PCDHGA9: variants seen among roughly 807,000 people sequenced by gnomAD.
The protein encoded by PCDHGA9 is protocadherin gamma subfamily A, 9.
In PCDHGA9, 37 loss-of-function variants were observed where a neutral mutation model predicts 62.5. That is an observed-to-expected ratio of 0.59 (90% CI 0.46 to 0.78). The LOEUF (loss-of-function observed/expected upper bound fraction) is 0.78, where lower values mean the gene tolerates loss of function less well. Ranked by LOEUF, PCDHGA9 falls within the 30% of genes least tolerant of loss-of-function variation. PCDHGA9 has a pLI of 0.00. For synonymous variants in PCDHGA9, 459 were observed against 484.6 expected (o/e 0.95, Z 0.69); for missense variants, 1,138 against 1,166.2 (o/e 0.98, Z 0.35).
At chr5:141,492,822 C>T (rs1241767956) in intron 1 of PCDHGA9, among the ~76,000 whole-genome samples, 1 of 152,238 alleles carries the variant, frequency 6.6e-6, no homozygotes, top group Non-Finnish European at 1.5e-5. Context: ...GCACCAGCGG[C>T]CCCTTCCTCC....
At position 141,486,931 on chromosome 5, in the gene PCDHGA9, T is replaced by C. The variant is rs201042803; in HGVS notation, c.2425-7876T>C. 2 of 1,614,258 alleles carry C rather than the reference T, an allele frequency of 1.2e-6. No homozygotes were observed. Among genetic ancestry groups the C allele is most frequent in the East Asian group, 2.2e-5 (1 of 44,876 alleles). ...AAGCACTGCCTCCATCAGTTGGTGC[T>C]GGCCACCTAATCACAAAGGTGACTG... On this transcript the variant is annotated intron_variant, in intron 1 of 3. Coordinates refer to ENST00000573521, the MANE Select transcript of PCDHGA9 (RefSeq NM_018921.3). This position sits in a 1 kb window ranked among gnomAD's most constrained non-coding sequence, Gnocchi z 5.0.
intron 1 of PCDHGA9, chr5:141,423,091 G>A (rs1243671863): frequency 6.2e-7 from 1 of 1,613,908 alleles, no homozygotes; most frequent in Non-Finnish European, 8.5e-7. Flanking sequence ...CGCGGTGGGG[G>A]AGCACACGGG....
intron 1 of PCDHGA9, among the ~76,000 whole-genome samples, chr5:141,462,574 C>T (rs1308899602): frequency 2.0e-5 from 3 of 152,036 alleles, no homozygotes; most frequent in Non-Finnish European, 4.4e-5. Context: ...TTGCTAATCC[C>T]ATCCAGTGAA....
intron 2 of PCDHGA9, among the ~76,000 whole-genome samples, chr5:141,502,944 A>G (rs1447378539): frequency 1.4e-5 from 2 of 145,406 alleles, no homozygotes; most frequent in Non-Finnish European, 1.5e-5. Context: ...CCTGGGTTCA[A>G]GCGATTCTCC....
At position 141,511,199 on chromosome 5, in the gene PCDHGA9, G is replaced by C. The variant is rs1303066281; in HGVS notation, c.*26G>C. On this transcript the variant is annotated 3_prime_UTR_variant, in exon 4 of 4. Coordinates refer to ENST00000573521, the MANE Select transcript of PCDHGA9 (RefSeq NM_018921.3). The stretch of plus-strand genomic sequence containing the variant: ...CATGGAGGCCAGGCCAAGAGCCACA[G>C]GGCGGCCTCTCCCCAACCAGCCCAG... 6.2e-6 allele frequency: 10 copies of C among 1,612,868 alleles called. No individual in the cohort carries two copies. In the East Asian group the frequency reaches 2.2e-4, roughly 36 times the overall value.
chr5:141,470,680 T>C (rs1212361233), intron 1 of PCDHGA9, among the ~76,000 whole-genome samples: 1 of 152,090 alleles, frequency 6.6e-6, no homozygotes, highest in Non-Finnish European at 1.5e-5. Context: ...GCTGTTACCA[T>C]CTTGAAATTC....
chr5:141,441,162 G>A (rs1009205566), intron 1 of PCDHGA9: 48 of 152,166 alleles, frequency 3.2e-4, no homozygotes, highest in Admixed American at 1.5e-3. Flanking sequence ...TCCTAGAGGC[G>A]ATTTTTACTT....
intron 1 of PCDHGA9, among the ~76,000 whole-genome samples, chr5:141,450,005 T>A (rs1439257597): frequency 1.0e-5 from 1 of 99,604 alleles, no homozygotes; most frequent in Non-Finnish European, 1.8e-5. Context: ...TTGCCATGTC[T>A]CTTTTTTTTT....
rs369940443 is a variant in PCDHGA9, at chr5:141,477,841, C to G, written c.2425-16966C>G. 6.2e-7 allele frequency: 1 copy of G among 1,613,308 alleles called. No individual in the cohort carries two copies. The highest frequency in any genetic ancestry group is 1.3e-5 in the African/African-American group (1 of 74,700). On this transcript the variant is annotated intron_variant, in intron 1 of 3. Coordinates refer to ENST00000573521, the MANE Select transcript of PCDHGA9 (RefSeq NM_018921.3). The surrounding 1 kb of genome is among the most constrained non-coding windows in gnomAD (Gnocchi z 4.9). ...TCCTATATCCTCGGCCAGGTGGGAG[C>G]TCGGTGGAGATGCTGCCTCGAGGTA...
rs377389968 is a variant in PCDHGA9, at chr5:141,404,840, C to T, written c.1888C>T (p.Arg630Trp). The change falls in exon 1 of 4, where the codon CGG becomes TGG. Residue 630 changes from arginine (R) to tryptophan (W), a missense_variant. Arg to Trp is a moderately radical substitution (Grantham distance 101). Coordinates refer to ENST00000573521, the MANE Select transcript of PCDHGA9 (RefSeq NM_018921.3). Reference sequence around the variant, plus strand: ...GCACACAGGTGAAGTGCGCACAGCTCGGGCCCTGCTAGATAGAGATGCGCT... The same window carrying T: ...GCACACAGGTGAAGTGCGCACAGCTTGGGCCCTGCTAGATAGAGATGCGCT... ...GLHTGEVRTA[R>W]ALLDRDALKQ... is the part of the protein sequence containing the mutation. 3.5e-5 allele frequency: 57 copies of T among 1,613,700 alleles called. No individual in the cohort carries two copies. The African/African-American group carries it at 6.3e-4, about 18-fold the overall frequency.
chr5:141,410,142 G>A (rs2095361095), intron 1 of PCDHGA9: 3 of 1,612,612 alleles, frequency 1.9e-6, no homozygotes, highest in East Asian at 2.2e-5. Context: ...GTCGCTGTGC[G>A]TGACGGTGGA....
intron 1 of PCDHGA9, among the ~76,000 whole-genome samples, chr5:141,430,360 T>C (rs570966246): frequency 1.8e-4 from 27 of 151,522 alleles, no homozygotes; most frequent in Middle Eastern, 3.4e-3. Flanking sequence ...TAAAAGCTCA[T>C]TGGGGAAAAA....
chr5:141,452,172 T>G (rs1338447268), intron 1 of PCDHGA9, among the ~76,000 whole-genome samples: 1 of 152,206 alleles, frequency 6.6e-6, no homozygotes, highest in Non-Finnish European at 1.5e-5. Flanking sequence ...TTACTAACAT[T>G]TTTTATTTTG....
At chr5:141,428,204 C>T (rs756271858) in intron 1 of PCDHGA9, 23 of 1,324,604 alleles carry the variant, frequency 1.7e-5, no homozygotes, top group Admixed American at 5.5e-5. Flanking sequence ...TGCGCCGCTA[C>T]GCTTCACCTA....
intron 1 of PCDHGA9, chr5:141,419,955 T>C: frequency 1.9e-6 from 3 of 1,614,096 alleles, no homozygotes; most frequent in Non-Finnish European, 2.5e-6. Flanking sequence ...TTGGCCTTGA[T>C]TTCTGTGCTC....
Position 141,490,198 on chromosome 5 carries a change from G to A in PCDHGA9, c.2425-4609G>A. ...GGAGTCACGTTTCTATGAAATTCAT[G>A]CAAGAGCCCGTGACCAGGGACAGCC... On this transcript the variant is annotated intron_variant, in intron 1 of 3. Coordinates refer to ENST00000573521, the MANE Select transcript of PCDHGA9 (RefSeq NM_018921.3). The surrounding 1 kb of genome is among the most constrained non-coding windows in gnomAD (Gnocchi z 5.4). The A allele has an allele frequency of 6.2e-7, 1 of 1,614,208 alleles. No homozygotes were observed. Among genetic ancestry groups the A allele is most frequent in the Non-Finnish European group, 8.5e-7 (1 of 1,180,038 alleles).
In PCDHGA9 at chr5:141,511,548, A is replaced by C; in HGVS notation, c.*375A>C. 3.3e-6 allele frequency: 1 copy of C among 306,952 alleles called. No homozygotes were observed. The highest frequency in any genetic ancestry group is 6.3e-6 in the Non-Finnish European group (1 of 158,248). 19.0% of individuals were successfully genotyped at this position (306,952 alleles called of 1,614,324 possible). ...CCTCCCTCCTCCCCACCCCACTCCA[A>C]CAGTTCCTCTTTCCCGAGTAAGGTG... is the stretch of plus-strand genomic sequence containing the variant. On this transcript the variant is annotated 3_prime_UTR_variant, in exon 4 of 4. Transcript: ENST00000573521.
chr5:141,435,795 G>A (rs150143106), intron 1 of PCDHGA9, among the ~76,000 whole-genome samples: 16 of 152,032 alleles, frequency 1.1e-4, no homozygotes, highest in Admixed American at 2.0e-4. Flanking sequence ...GAAACATAAC[G>A]TCCCAATTAT....
At chr5:141,427,898 C>A (rs2154552434) in intron 1 of PCDHGA9, 1 of 1,570,872 alleles carries the variant, frequency 6.4e-7, no homozygotes, top group Non-Finnish European at 8.7e-7. Context: ...AGGGCTCGCC[C>A]GCGCTCAGCG....
Sources: allele counts gnomAD v4.1 joint callset (sites outside exome capture counted in the v4.1 genomes callset), GRCh38; gene constraint gnomAD v4.1.1; non-coding constraint Gnocchi (gnomAD v3.1); transcripts MANE v1.5; gene names NCBI Gene and HGNC (gene_info 2026-07-23, HGNC 2026-07-21).